The following INTS14 variants were observed in gnomAD, a reference collection of about 807,000 sequenced individuals.
INTS14 encodes UPF0464 protein C15orf44.
Under a neutral mutation model 56.9 loss-of-function variants are expected in INTS14, and 27 were observed. That is an observed-to-expected ratio of 0.47 (90% confidence interval 0.35 to 0.65). The LOEUF is 0.65. Among genes scored for constraint, INTS14 ranks in the 30% least tolerant of loss-of-function variants. The pLI, the probability that INTS14 is intolerant of heterozygous loss-of-function variation, is 0.00. For missense variants in INTS14, 517 were observed against 632.2 expected (o/e 0.82, Z 1.95); for synonymous variants, 207 against 236.2 (o/e 0.88, Z 1.13).
chr15:65,579,882 T>G (rs1447163330), intron 11 of INTS14, among the ~76,000 whole-genome samples: 1 of 152,170 alleles, frequency 6.6e-6, no homozygotes, highest in African/African-American at 2.4e-5. Context: ...GACAGCTGAA[T>G]GAAACAACGT....
At chr15:65,593,862 A>G (rs967589735) in intron 7 of INTS14, among the ~76,000 whole-genome samples, 2 of 152,098 alleles carry the variant, frequency 1.3e-5, no homozygotes, top group African/African-American at 4.8e-5. Context: ...GGGGTCTGGG[A>G]GTTGATAGTT....
chr15:65,607,552 AG>A (rs1463366841), intron 1 of INTS14, 110 bp from the exon 2 acceptor site: 1 of 1,248,784 alleles, frequency 8.0e-7, no homozygotes, highest in East Asian at 2.6e-5. Context: ...ATTTAAGTTG[AG>A]GTGAGGAATA....
chr15:65,581,335 G>A (rs1418816756), intron 11 of INTS14, among the ~76,000 whole-genome samples: 4 of 139,250 alleles, frequency 2.9e-5, no homozygotes, highest in Admixed American at 7.0e-5. Context: ...AGCTGAGATC[G>A]TGCTACTGCA....
At chr15:65,581,875 C>G (rs2072633882) in intron 11 of INTS14, 79 bp downstream of exon 11, 1 of 1,415,152 alleles carries the variant, frequency 7.1e-7, no homozygotes, top group East Asian at 2.3e-5. Flanking sequence ...CTAACCCCTG[C>G]CCATATTCAC....
In INTS14 at chr15:65,605,146, C is replaced by T; in HGVS notation, c.313G>A (p.Gly105Ser). The T allele has an allele frequency of 3.1e-6, 5 of 1,613,738 alleles. No individual in the cohort carries two copies. Among genetic ancestry groups the T allele is most frequent in the Non-Finnish European group, 2.5e-6 (3 of 1,179,678 alleles). The change falls in exon 3 of 12, where the codon GGT (glycine) becomes AGT (serine). Residue 105 changes from glycine to serine, a missense_variant. By Grantham distance (56) the Gly-to-Ser change is moderately conservative. Coordinates refer to ENST00000313182, the MANE Select transcript of INTS14 (RefSeq NM_001394796.1). Reference protein sequence around the residue: ...VCNIVQQEWGGAIPCQVVLVT... With the variant: ...VCNIVQQEWGSAIPCQVVLVT... ...ATCATTACCTGGCAAGGAATTGCAC[C>T]ACCCCATTCTTGCTGAACGATATTG...
chr15:65,591,528 CA>C (rs2073028640), intron 9 of INTS14, 69 bp downstream of exon 9: 1 of 1,561,404 alleles, frequency 6.4e-7, no homozygotes, highest in Non-Finnish European at 8.7e-7. Flanking sequence ...TCTGACTGCA[CA>C]GTCAGAGACA....
chr15:65,602,884 C>A (rs553324748), intron 3 of INTS14, among the ~76,000 whole-genome samples: 1 of 152,054 alleles, frequency 6.6e-6, no homozygotes, highest in Non-Finnish European at 1.5e-5. Context: ...CTTGCCCTCA[C>A]GTTGTCTCAA....
intron 11 of INTS14, among the ~76,000 whole-genome samples, chr15:65,580,516 G>A (rs888714510): frequency 1.6e-4 from 25 of 152,152 alleles, no homozygotes; most frequent in African/African-American, 6.0e-4. Flanking sequence ...TTAGGGAGGG[G>A]CCTGGCTGGC....
rs1413890064 is a variant in INTS14 at position 65,591,649 on chromosome 15, G to A, written c.1069C>T (p.Pro357Ser). 1 of 1,614,132 alleles carries A rather than the reference G, an allele frequency of 6.2e-7. No homozygotes were observed. The highest frequency in any genetic ancestry group is 2.2e-5 in the East Asian group (1 of 44,882). ...NLMMSLFEPG[P>S]EPLPWLGKMA... The stretch of plus-strand genomic sequence containing the variant: ...TTCCCTAGCCATGGGAGAGGTTCTG[G>A]GCCAGGCTCAAAGAGAGACATCATG... Residue 357 changes from proline (P) to serine (S), a missense_variant, in exon 9 of 12, where the codon CCA (proline) becomes TCA (serine). Pro to Ser is a moderately conservative substitution (Grantham distance 74, BLOSUM62 -1). Transcript: ENST00000313182.
chr15:65,605,319 G>A (rs905533070), intron 2 of INTS14, 83 bp from the exon 3 acceptor site: 2 of 1,070,472 alleles, frequency 1.9e-6, no homozygotes, highest in Admixed American at 1.8e-5. Context: ...TTCAAAGTAT[G>A]AATGTTACAC....
chr15:65,602,386 G>A (rs2073470028), intron 3 of INTS14, among the ~76,000 whole-genome samples: 1 of 150,802 alleles, frequency 6.6e-6, no homozygotes, highest in African/African-American at 2.4e-5. Flanking sequence ...CCCAGGTCAA[G>A]TGATTCCCCT....
chr15:65,593,838 G>C lies in INTS14; in HGVS notation c.842-266C>G, dbSNP rs550859159. On this transcript the variant is annotated intron_variant, in intron 7 of 11. Transcript: ENST00000313182. ...GGATATTAGTGGTTATTTGGGGTAG[G>C]GGAAATGGGGGGAGGGGTCTGGGAG... is the stretch of plus-strand genomic sequence containing the variant. 1.0e-3 allele frequency among the ~76,000 whole-genome samples: 158 copies of C among 152,272 alleles called. No individual in the cohort carries two copies. The Middle Eastern group carries it at 0.02, about 20-fold the overall frequency.
chr15:65,599,115 C>A, intron 4 of INTS14, 125 bp from the exon 5 acceptor site: 1 of 631,352 alleles, frequency 1.6e-6, no homozygotes, highest in Non-Finnish European at 2.8e-6. Flanking sequence ...TTTTAATAGC[C>A]AATGTGAGAA....
At chr15:65,608,929 C>T (rs1012568741) in intron 1 of INTS14, among the ~76,000 whole-genome samples, 6 of 152,184 alleles carry the variant, frequency 3.9e-5, no homozygotes, top group African/African-American at 1.2e-4. Flanking sequence ...AGTCTTGCGA[C>T]ATCTGTCGCC....
chr15:65,606,147 C>T (rs2073638044), intron 2 of INTS14, among the ~76,000 whole-genome samples: 1 of 150,680 alleles, frequency 6.6e-6, no homozygotes. Context: ...CCCAGCTATT[C>T]GGAAGGCTGA....
At chr15:65,598,785 G>T in intron 5 of INTS14, 87 bp downstream of exon 5, 1 of 1,075,872 alleles carries the variant, frequency 9.3e-7, no homozygotes. Context: ...GACACAATTA[G>T]GAACAGTAAA....
At chr15:65,583,191 T>C (rs766714335) in intron 10 of INTS14, among the ~76,000 whole-genome samples, 1 of 152,206 alleles carries the variant, frequency 6.6e-6, no homozygotes, top group Non-Finnish European at 1.5e-5. Flanking sequence ...CATTAAAATA[T>C]ATACCCAAGA....
At chr15:65,584,920 C>G (rs780403124) in intron 9 of INTS14, 32 bp from the exon 10 acceptor site, 4 of 1,562,700 alleles carry the variant, frequency 2.6e-6, no homozygotes, top group Non-Finnish European at 3.5e-6. Flanking sequence ...GAAATGACAT[C>G]TGGTAAAACA....
chr15:65,597,656 C>T (rs977392544), intron 6 of INTS14, among the ~76,000 whole-genome samples: 3 of 152,178 alleles, frequency 2.0e-5, no homozygotes, highest in Non-Finnish European at 4.4e-5. Context: ...TTCTCCCTGC[C>T]TAGCCAATAA....
Sources: gnomAD v4.1 joint callset for allele counts (sites outside exome capture counted in the v4.1 genomes callset) on GRCh38, gnomAD v4.1.1 for gene constraint, MANE v1.5 for transcripts, NCBI Gene and HGNC (gene_info 2026-07-23, HGNC 2026-07-21) for gene names.